The following PHF24 variants were observed in gnomAD, a reference collection of about 807,000 sequenced individuals.
PHF24 encodes PHD finger protein 24.
A neutral mutation model predicts 42.6 loss-of-function variants in PHF24; 25 were observed. The observed-to-expected ratio is 0.59, with a 90% CI of 0.43 to 0.82. The LOEUF (loss-of-function observed/expected upper bound fraction) is 0.82. Ranked by LOEUF, PHF24 falls within the 40% of genes least tolerant of loss-of-function variation. PHF24 has a pLI of 0.00. For synonymous variants in PHF24, 185 were observed against 204.8 expected (o/e 0.90, Z 0.83); for missense variants, 470 against 538.1 (o/e 0.87, Z 1.25).
At chr9:34,845,302 G>T in the PHF24 span, among the ~76,000 whole-genome samples, 6 of 152,266 alleles carry the variant, frequency 3.9e-5, no homozygotes, top group East Asian at 1.2e-3. Flanking sequence ...TTTCATTGGA[G>T]AATTTAATCC....
the PHF24 span, among the ~76,000 whole-genome samples, chr9:34,812,783 G>T: frequency 6.6e-6 from 1 of 152,182 alleles, no homozygotes; most frequent in Non-Finnish European, 1.5e-5. Flanking sequence ...AGTGACTCGT[G>T]AACACTTGCA....
the PHF24 span, among the ~76,000 whole-genome samples, chr9:34,730,275 C>T: frequency 6.6e-6 from 1 of 152,174 alleles, no homozygotes; most frequent in Non-Finnish European, 1.5e-5. Context: ...CATGTGTTTT[C>T]CAATTCAGCT....
At chr9:34,754,140 C>G in the PHF24 span, among the ~76,000 whole-genome samples, 1 of 151,768 alleles carries the variant, frequency 6.6e-6, no homozygotes, top group African/African-American at 2.4e-5. Flanking sequence ...TCAACCAAAG[C>G]AAAAAAAGAT....
At chr9:34,684,004 GT>G in the PHF24 span, among the ~76,000 whole-genome samples, 1 of 152,202 alleles carries the variant, frequency 6.6e-6, no homozygotes, top group Non-Finnish European at 1.5e-5. Flanking sequence ...TCTGGGAGTG[GT>G]TCTGGCTGCC....
At chr9:34,945,634 G>A in the PHF24 span, among the ~76,000 whole-genome samples, 1 of 152,168 alleles carries the variant, frequency 6.6e-6, no homozygotes, top group East Asian at 1.9e-4. Context: ...ACTGTCATAG[G>A]AGTGGGTTCT....
the PHF24 span, among the ~76,000 whole-genome samples, chr9:34,883,422 C>T: frequency 1.3e-5 from 2 of 152,178 alleles, no homozygotes; most frequent in East Asian, 3.8e-4. Flanking sequence ...TCAGAGTGAA[C>T]AGGCAACCTA....
chr9:34,807,744 G>A, the PHF24 span, among the ~76,000 whole-genome samples: 1 of 152,144 alleles, frequency 6.6e-6, no homozygotes, highest in Admixed American at 6.5e-5. Context: ...GTTCTGAAGA[G>A]TAACAATAGC....
At chr9:34,707,297 G>A in the PHF24 span, among the ~76,000 whole-genome samples, 1 of 152,156 alleles carries the variant, frequency 6.6e-6, no homozygotes, top group Non-Finnish European at 1.5e-5. Flanking sequence ...ACTCACTGGC[G>A]AGACTGATGT....
the PHF24 span, among the ~76,000 whole-genome samples, chr9:34,797,780 T>C: frequency 6.6e-6 from 1 of 151,902 alleles, no homozygotes; most frequent in Admixed American, 6.6e-5. Context: ...CCGTGGGAAA[T>C]GCAACATTTG....
the PHF24 span, among the ~76,000 whole-genome samples, chr9:34,868,520 A>G: frequency 6.6e-6 from 1 of 152,198 alleles, no homozygotes; most frequent in Admixed American, 6.5e-5. Context: ...GTCACTTTTA[A>G]CAGGAAATCA....
the PHF24 span, among the ~76,000 whole-genome samples, chr9:34,788,340 G>A: frequency 2.0e-5 from 3 of 152,118 alleles, no homozygotes; most frequent in African/African-American, 7.2e-5. Context: ...ACTGCACCCA[G>A]CCAGCAGTAA....
At chr9:34,776,208 G>T in the PHF24 span, among the ~76,000 whole-genome samples, 1 of 152,074 alleles carries the variant, frequency 6.6e-6, no homozygotes, top group Non-Finnish European at 1.5e-5. Flanking sequence ...AAAAATCATA[G>T]AATTGTATAT....
chr9:34,961,322 G>T (rs1826581472), intron 1 of PHF24, among the ~76,000 whole-genome samples: 1 of 152,150 alleles, frequency 6.6e-6, no homozygotes, highest in Non-Finnish European at 1.5e-5. Context: ...ACCAAATTCT[G>T]ACAGGAATTG....
the PHF24 span, chr9:34,889,139 G>A: frequency 2.5e-6 from 1 of 398,482 alleles, no homozygotes; most frequent in Non-Finnish European, 4.4e-6. Context: ...GGCAATGAAA[G>A]CCTTTTTCAG....
the PHF24 span, among the ~76,000 whole-genome samples, chr9:34,894,259 C>T: frequency 6.6e-6 from 1 of 152,100 alleles, no homozygotes; most frequent in African/African-American, 2.4e-5. Flanking sequence ...GTGACCCTTC[C>T]CTCCTGAGAT....
the PHF24 span, chr9:34,833,281 C>T: frequency 1.3e-6 from 2 of 1,551,034 alleles, no homozygotes; most frequent in Admixed American, 3.9e-5. Context: ...GAACACAAGG[C>T]ATGTGGGCCT....
chr9:34,738,151 G>A, the PHF24 span, among the ~76,000 whole-genome samples: 2 of 152,090 alleles, frequency 1.3e-5, no homozygotes, highest in African/African-American at 4.8e-5. Flanking sequence ...AGATGATCCA[G>A]CACCAGCATT....
the PHF24 span, chr9:34,922,493 ATCCACAGTCCCTTTCTTATCATCACCAGC>A: frequency 3.2e-6 from 4 of 1,267,508 alleles, no homozygotes; most frequent in South Asian, 4.8e-5. Context: ...GTTGTGACTG[ATCCACAGTCCCTTTCTTATCATCACCAGC>A]GGCAACCTCA....
At chr9:34,936,196 G>A in the PHF24 span, among the ~76,000 whole-genome samples, 4 of 152,180 alleles carry the variant, frequency 2.6e-5, no homozygotes. Flanking sequence ...AGCCTGCCGA[G>A]TGCCTGCCAT....
Sources: allele counts gnomAD v4.1 joint callset (sites outside exome capture counted in the v4.1 genomes callset), GRCh38; gene constraint gnomAD v4.1.1; transcripts MANE v1.5; gene names NCBI Gene and HGNC (gene_info 2026-07-23, HGNC 2026-07-21).